TSPAN13: variants seen among roughly 807,000 people sequenced by gnomAD.
TSPAN13 encodes the protein tetraspanin-13.
TSPAN13 carries 18 observed loss-of-function variants against 26.9 expected under a neutral mutation model. The ratio of observed to expected loss-of-function variants is 0.67; its 90% confidence interval spans 0.46 to 0.99. The LOEUF (loss-of-function observed/expected upper bound fraction) is 0.99. Ranked by LOEUF, TSPAN13 falls within the 50% of genes least tolerant of loss-of-function variation. The pLI, the probability that TSPAN13 is intolerant of heterozygous loss-of-function variation, is 0.00. For missense variants in TSPAN13, 201 were observed against 249.6 expected (o/e 0.81, Z 1.31); for synonymous variants, 116 against 98.4 (o/e 1.18, Z -1.06).
Position 16,778,990 on chromosome 7 carries a change from T to G in TSPAN13, c.427-13T>G. ...ATTTTGAAATAAAGGTTTTTTTACT[T>G]TAATTGGTGCAGAGCTGTGTTAAAA... On this transcript the variant is annotated splice_polypyrimidine_tract_variant and intron_variant, in intron 4 of 5. Coordinates refer to ENST00000262067, the MANE Select transcript of TSPAN13 (RefSeq NM_014399.4). 1.3e-6 allele frequency: 2 copies of G among 1,564,572 alleles called. No individual in the cohort carries two copies. The highest frequency in any genetic ancestry group is 1.7e-6 in the Non-Finnish European group (2 of 1,157,148).
intron 1 of TSPAN13, 181 bp from the exon 2 acceptor site, chr7:16,776,030 T>A: frequency 2.0e-6 from 1 of 496,360 alleles, no homozygotes; most frequent in Non-Finnish European, 3.4e-6. Flanking sequence ...TTAATGTAAT[T>A]TGTTAAAACA....
intron 1 of TSPAN13, among the ~76,000 whole-genome samples, chr7:16,767,986 C>A (rs1431219109): frequency 6.6e-6 from 1 of 152,162 alleles, no homozygotes; most frequent in Non-Finnish European, 1.5e-5. Context: ...CATCTCGGCC[C>A]ACTGCAACCT....
chr7:16,774,603 A>G (rs1784719183), intron 1 of TSPAN13, among the ~76,000 whole-genome samples: 1 of 152,210 alleles, frequency 6.6e-6, no homozygotes, highest in African/African-American at 2.4e-5. Flanking sequence ...GTCAGTGAGT[A>G]TGATAAAATG....
At chr7:16,754,093 G>T (rs370432828) in intron 1 of TSPAN13, 63 bp downstream of exon 1, 2 of 1,540,730 alleles carry the variant, frequency 1.3e-6, no homozygotes, top group African/African-American at 2.8e-5. Flanking sequence ...GAGCTCTTTG[G>T]CTTCCCTGCC....
chr7:16,761,577 G>A (rs1234187534), intron 1 of TSPAN13, among the ~76,000 whole-genome samples: 1 of 151,930 alleles, frequency 6.6e-6, no homozygotes. Flanking sequence ...GGAGTGCAGT[G>A]TGTGATGATA....
At chr7:16,772,155 C>T (rs1324269831) in intron 1 of TSPAN13, among the ~76,000 whole-genome samples, 2 of 152,086 alleles carry the variant, frequency 1.3e-5, no homozygotes, top group Admixed American at 6.6e-5. Flanking sequence ...TTTGCCGAAA[C>T]GATGATGCAG....
At chr7:16,776,406 C>T (rs760029806) in intron 2 of TSPAN13, 28 bp downstream of exon 2, 4 of 1,592,562 alleles carry the variant, frequency 2.5e-6, no homozygotes, top group East Asian at 2.2e-5. Context: ...CAAGATTTTA[C>T]TCTTGATGAC....
chr7:16,759,748 G>A (rs564244948), intron 1 of TSPAN13, among the ~76,000 whole-genome samples: 4 of 146,738 alleles, frequency 2.7e-5, no homozygotes, highest in African/African-American at 7.6e-5. Flanking sequence ...ACGCAGTGGC[G>A]TGATCTCAGC....
At chr7:16,767,602 A>G (rs958278552) in intron 1 of TSPAN13, among the ~76,000 whole-genome samples, 14 of 152,116 alleles carry the variant, frequency 9.2e-5, no homozygotes, top group African/African-American at 3.4e-4. Context: ...GGATACATAT[A>G]ATTTTCCTAG....
chr7:16,756,760 C>T (rs1784484712), intron 1 of TSPAN13, among the ~76,000 whole-genome samples: 1 of 152,102 alleles, frequency 6.6e-6, no homozygotes, highest in African/African-American at 2.4e-5. Context: ...CTGAATTCAC[C>T]TTCACAGTAT....
At chr7:16,754,387 G>C (rs1784458575) in intron 1 of TSPAN13, among the ~76,000 whole-genome samples, 1 of 152,190 alleles carries the variant, frequency 6.6e-6, no homozygotes, top group Non-Finnish European at 1.5e-5. Flanking sequence ...CTGACATCCA[G>C]ACGCATCTGG....
chr7:16,759,264 T>C (rs1349130029), intron 1 of TSPAN13, among the ~76,000 whole-genome samples: 1 of 152,144 alleles, frequency 6.6e-6, no homozygotes, highest in African/African-American at 2.4e-5. Context: ...AGAGGTTTAA[T>C]TGGCTCATGG....
intron 1 of TSPAN13, among the ~76,000 whole-genome samples, chr7:16,770,187 T>C (rs1286637529): frequency 6.6e-6 from 1 of 150,588 alleles, no homozygotes; most frequent in Non-Finnish European, 1.5e-5. Flanking sequence ...CTGTTTAATA[T>C]TTTTTATTTT....
chr7:16,757,612 A>G (rs1479779834), intron 1 of TSPAN13, among the ~76,000 whole-genome samples: 3 of 152,182 alleles, frequency 2.0e-5, no homozygotes, highest in Non-Finnish European at 4.4e-5. Context: ...TTTTAAAATC[A>G]GGAGGGAAAT....
intron 1 of TSPAN13, among the ~76,000 whole-genome samples, chr7:16,774,118 A>G (rs1212541273): frequency 6.6e-6 from 1 of 152,184 alleles, no homozygotes; most frequent in Non-Finnish European, 1.5e-5. Context: ...AACAAAGATT[A>G]AGGTTTTCTG....
Position 16,777,792 on chromosome 7 carries a change from T to C in TSPAN13, c.313-6T>C. On this transcript the variant is annotated splice_polypyrimidine_tract_variant and splice_region_variant and intron_variant, in intron 3 of 5. Transcript: ENST00000262067. ...ACACATTTTATATATTAAACACATT[T>C]ACTAGGGTCAGCTTCTGGAGGTTGG... 1 of 1,612,064 alleles carries C rather than the reference T, an allele frequency of 6.2e-7. No homozygotes were observed. The highest frequency in any genetic ancestry group is 8.5e-7 in the Non-Finnish European group (1 of 1,178,610).
At chr7:16,771,468 G>A (rs2115331078) in intron 1 of TSPAN13, among the ~76,000 whole-genome samples, 1 of 152,320 alleles carries the variant, frequency 6.6e-6, no homozygotes, top group Middle Eastern at 3.4e-3. Flanking sequence ...AGATTATTCT[G>A]GATTATCTGG....
At chr7:16,774,583 T>G (rs958859626) in intron 1 of TSPAN13, among the ~76,000 whole-genome samples, 3 of 152,196 alleles carry the variant, frequency 2.0e-5, no homozygotes, top group Non-Finnish European at 4.4e-5. Flanking sequence ...TTTGAAGTTG[T>G]GAGAAGACTG....
chr7:16,763,538 G>A (rs1194864824), intron 1 of TSPAN13, among the ~76,000 whole-genome samples: 1 of 152,128 alleles, frequency 6.6e-6, no homozygotes, highest in African/African-American at 2.4e-5. Flanking sequence ...TTCTTTTACG[G>A]GCTAGATCTT....
Sources: gnomAD v4.1 joint callset for allele counts (sites outside exome capture counted in the v4.1 genomes callset) on GRCh38, gnomAD v4.1.1 for gene constraint, MANE v1.5 for transcripts, NCBI Gene and HGNC (gene_info 2026-07-23, HGNC 2026-07-21) for gene names.